The following WWOX variants were observed in gnomAD, a reference collection of about 807,000 sequenced individuals.
The protein encoded by WWOX is WW domain containing oxidoreductase, also known as WW domain-containing oxidoreductase.
In WWOX, 69 loss-of-function variants were observed where a neutral mutation model predicts 46.2. The observed-to-expected ratio is 1.49, with a 90% CI of 1.23 to 1.82. WWOX has a LOEUF of 1.82. Ranked by LOEUF, WWOX falls within the 40% of genes most tolerant of loss-of-function variation. WWOX has a pLI of 0.00. For synonymous variants in WWOX, 359 were observed against 202.6 expected (o/e 1.77, Z -6.56); for missense variants, 919 against 542.6 (o/e 1.69, Z -6.89).
chr16:78,374,947 A>G (rs2081785340), intron 5 of WWOX, among the ~76,000 whole-genome samples: 1 of 152,016 alleles, frequency 6.6e-6, no homozygotes, highest in African/African-American at 2.4e-5. Context: ...CGGCCTCCCA[A>G]AGTGCTGGGA....
intron 8 of WWOX, among the ~76,000 whole-genome samples, chr16:79,208,771 C>T (rs558498510): frequency 6.6e-6 from 1 of 152,132 alleles, no homozygotes; most frequent in African/African-American, 2.4e-5. Flanking sequence ...AAATGAGAAC[C>T]TGTTACTAAA....
chr16:78,759,469 G>A (rs547842678), intron 8 of WWOX, among the ~76,000 whole-genome samples: 1 of 152,262 alleles, frequency 6.6e-6, no homozygotes, highest in East Asian at 1.9e-4. Flanking sequence ...GATTTTGGTG[G>A]TGTTTGCCCT....
chr16:78,586,021 G>C (rs2045195647), intron 8 of WWOX, among the ~76,000 whole-genome samples: 1 of 151,836 alleles, frequency 6.6e-6, no homozygotes, highest in Non-Finnish European at 1.5e-5. Context: ...AATATAGCAA[G>C]ATGTCATCTC....
rs201171182 is a variant in WWOX, at chr16:78,226,389, A to AT, written c.516+62110dup. ...ATACTCTGGCAGAAAAACTTTAATG[A>AT]TTTTTTTTTTCTGATGCTGCCTAGA... is the stretch of plus-strand genomic sequence containing the variant. On this transcript the variant is annotated intron_variant, in intron 5 of 8. Transcript: ENST00000566780. Among the ~76,000 whole-genome samples the AT allele has an allele frequency of 4.5e-3, 680 of 149,932 alleles. 5 individuals are homozygous for AT. The highest frequency in any genetic ancestry group is 0.015 in the African/African-American group (620 of 40,820).
At position 78,696,929 on chromosome 16, in the gene WWOX, C is replaced by G. The variant is rs907733150; in HGVS notation, c.1056+264177C>G. Reference sequence around the variant, plus strand: ...AACACACAGTGCTTGGTTTTCCATTCCTGAGTTACTTCACTTAGAATAATG... The same window carrying G: ...AACACACAGTGCTTGGTTTTCCATTGCTGAGTTACTTCACTTAGAATAATG... On this transcript the variant is annotated intron_variant, in intron 8 of 8. Transcript: ENST00000566780. Among the ~76,000 whole-genome samples the G allele has an allele frequency of 3.3e-5, 5 of 152,186 alleles. No homozygotes were observed. The South Asian group carries it at 1.0e-3, about 31-fold the overall frequency.
intron 8 of WWOX, among the ~76,000 whole-genome samples, chr16:78,819,585 G>A (rs2051437297): frequency 6.6e-6 from 1 of 152,198 alleles, no homozygotes; most frequent in Non-Finnish European, 1.5e-5. Flanking sequence ...CTGCATGTGG[G>A]GTAGCCCTGT....
chr16:78,214,910 T>C (rs1481675890), intron 5 of WWOX, among the ~76,000 whole-genome samples: 1 of 152,156 alleles, frequency 6.6e-6, no homozygotes, highest in East Asian at 1.9e-4. Context: ...ATATTTTAGT[T>C]CTACTGATAT....
chr16:78,725,949 C>G (rs116169176), intron 8 of WWOX, among the ~76,000 whole-genome samples: 3,723 of 151,670 alleles, frequency 0.025, 152 homozygotes, highest in African/African-American at 0.086. Flanking sequence ...TTTCCTCTTC[C>G]CTTTTCCTTT....
intron 8 of WWOX, among the ~76,000 whole-genome samples, chr16:78,876,543 C>T (rs1281374902): frequency 2.0e-5 from 3 of 150,988 alleles, no homozygotes; most frequent in Non-Finnish European, 2.9e-5. Flanking sequence ...GTTTCTCATT[C>T]GCCCCTTTCT....
chr16:78,796,488 G>C (rs1466075043), intron 8 of WWOX, among the ~76,000 whole-genome samples: 1 of 152,244 alleles, frequency 6.6e-6, no homozygotes, highest in African/African-American at 2.4e-5. Context: ...GGGAAATGTA[G>C]TCTGGTGATG....
At chr16:78,828,178 C>A (rs985987272) in intron 8 of WWOX, among the ~76,000 whole-genome samples, 2 of 152,150 alleles carry the variant, frequency 1.3e-5, no homozygotes, top group African/African-American at 4.8e-5. Context: ...AATCTGTACG[C>A]CCCACAGGAG....
At chr16:79,112,517 C>T (rs1597386454) in intron 8 of WWOX, among the ~76,000 whole-genome samples, 1 of 152,144 alleles carries the variant, frequency 6.6e-6, no homozygotes, top group Non-Finnish European at 1.5e-5. Context: ...AGTTCTTCAA[C>T]AAATACTCTT....
At chr16:78,576,127 A>G (rs531799530) in intron 8 of WWOX, among the ~76,000 whole-genome samples, 4 of 152,136 alleles carry the variant, frequency 2.6e-5, no homozygotes, top group African/African-American at 9.7e-5. Flanking sequence ...GTTGCATAGA[A>G]TGACTCTCCT....
chr16:79,063,213 A>T (rs1409842817), intron 8 of WWOX, among the ~76,000 whole-genome samples: 1 of 152,140 alleles, frequency 6.6e-6, no homozygotes. Flanking sequence ...TGTGAAATAG[A>T]CCTCGAGGTA....
intron 8 of WWOX, among the ~76,000 whole-genome samples, chr16:79,184,318 C>G (rs993198470): frequency 6.6e-6 from 1 of 152,180 alleles, no homozygotes; most frequent in Non-Finnish European, 1.5e-5. Flanking sequence ...ATTTATTCAA[C>G]AAATGCTTTT....
chr16:79,195,490 T>C (rs1420008840), intron 8 of WWOX, among the ~76,000 whole-genome samples: 2 of 152,144 alleles, frequency 1.3e-5, no homozygotes, highest in East Asian at 1.9e-4. Context: ...TAGGACAGCC[T>C]AGCATCTGAG....
intron 8 of WWOX, among the ~76,000 whole-genome samples, chr16:78,962,431 T>G (rs560939994): frequency 1.3e-5 from 2 of 151,308 alleles, no homozygotes; most frequent in South Asian, 2.1e-4. Context: ...ATTCATAATT[T>G]CCTTGTAGGC....
chr16:78,160,733 T>C (rs917336945), intron 4 of WWOX, among the ~76,000 whole-genome samples: 1 of 152,260 alleles, frequency 6.6e-6, no homozygotes, highest in African/African-American at 2.4e-5. Context: ...TTGGTAAGTA[T>C]TCTTGAAGTA....
rs553166721 is a variant in WWOX at position 79,201,750 on chromosome 16, C to T, written c.1057-9858C>T. 3.3e-5 allele frequency among the ~76,000 whole-genome samples: 5 copies of T among 151,148 alleles called. No individual in the cohort carries two copies. The South Asian group carries it at 1.0e-3, about 32-fold the overall frequency. ...TCCTGTTTTTTTTCACTTTTGTCTT[C>T]CTGACTTTTTTCTTCCATCCCTATT... On this transcript the variant is annotated intron_variant, in intron 8 of 8. Coordinates refer to ENST00000566780, the MANE Select transcript of WWOX (RefSeq NM_016373.4).
Sources: allele counts gnomAD v4.1 joint callset (sites outside exome capture counted in the v4.1 genomes callset), GRCh38; gene constraint gnomAD v4.1.1; transcripts MANE v1.5; gene names NCBI Gene and HGNC (gene_info 2026-07-23, HGNC 2026-07-21).